The following CDKAL1 variants were observed in gnomAD, a reference collection of about 807,000 sequenced individuals.
CDKAL1 encodes the protein threonylcarbamoyladenosine tRNA methylthiotransferase.
CDKAL1 carries 32 observed loss-of-function variants against 68.2 expected under a neutral mutation model. That is an observed-to-expected ratio of 0.47 (90% confidence interval 0.35 to 0.63). The LOEUF (loss-of-function observed/expected upper bound fraction) is 0.63, where lower values mean the gene tolerates loss of function less well. Among genes scored for constraint, CDKAL1 ranks in the 30% least tolerant of loss-of-function variants. The pLI is 0.00. For missense variants in CDKAL1, 606 were observed against 696.7 expected, an observed-to-expected ratio of 0.87 and a Z score of 1.47; for synonymous variants, 234 against 244.3, an observed-to-expected ratio of 0.96 and a Z score of 0.39.
chr6:20,991,202 A>G (rs545788923), intron 10 of CDKAL1, among the ~76,000 whole-genome samples: 2 of 152,344 alleles, frequency 1.3e-5, no homozygotes, highest in African/African-American at 4.8e-5. Flanking sequence ...AACAAATATT[A>G]TATGATTTCA....
rs1470467672 is a variant in CDKAL1 at position 21,000,372 on chromosome 6, A to G, written c.1055A>G (p.Lys352Arg). Residue 352 changes from lysine to arginine, a missense_variant and splice_region_variant, in exon 11 of 16, where the codon AAA (lysine) becomes AGA (arginine). By Grantham distance (26) the Lys-to-Arg change is conservative. Coordinates refer to ENST00000274695, the MANE Select transcript of CDKAL1 (RefSeq NM_017774.3). Reference sequence around the variant, plus strand: ...AGAGTAGTGGATTTTCTGAAAGAGAAGTAAGTCTGTTAGTACTTAAGAAAA... The same window carrying G: ...AGAGTAGTGGATTTTCTGAAAGAGAGGTAAGTCTGTTAGTACTTAAGAAAA... ...FKRVVDFLKE[K>R]VPGITIATDI... The G allele has an allele frequency of 6.2e-7, 1 of 1,611,654 alleles. No homozygotes were observed. Among genetic ancestry groups the G allele is most frequent in the Admixed American group, 1.7e-5 (1 of 59,776 alleles).
rs148468201 is a variant in CDKAL1, at chr6:20,931,745, A to G, written c.743-23674A>G. 2.3e-3 allele frequency among the ~76,000 whole-genome samples: 350 copies of G among 152,300 alleles called. 1 individual carries two copies. Among genetic ancestry groups the G allele is most frequent in the African/African-American group, 8.0e-3 (333 of 41,572 alleles). On this transcript the variant is annotated intron_variant, in intron 9 of 15. Transcript: ENST00000274695. The stretch of plus-strand genomic sequence containing the variant: ...AGCAAACATTAATTGAGAACTTATT[A>G]TGTGCTGTAGTCACTGTGCTGTTTG...
At chr6:20,665,222 C>T (rs1769475057) in intron 5 of CDKAL1, among the ~76,000 whole-genome samples, 1 of 152,044 alleles carries the variant, frequency 6.6e-6, no homozygotes, top group Non-Finnish European at 1.5e-5. Flanking sequence ...AAGTGTTTTG[C>T]AACGTACCCT....
intron 5 of CDKAL1, among the ~76,000 whole-genome samples, chr6:20,657,524 T>C (rs1482729146): frequency 6.6e-6 from 1 of 152,212 alleles, no homozygotes; most frequent in Non-Finnish European, 1.5e-5. Flanking sequence ...ATGCATCACA[T>C]CATTTTGTTT....
At chr6:20,657,105 A>G (rs2127767271) in intron 5 of CDKAL1, among the ~76,000 whole-genome samples, 1 of 152,282 alleles carries the variant, frequency 6.6e-6, no homozygotes, top group African/African-American at 2.4e-5. Flanking sequence ...TGCTTTATTC[A>G]GATATTTTTC....
chr6:21,195,310 A>G (rs1275414648), intron 13 of CDKAL1, among the ~76,000 whole-genome samples: 1 of 151,812 alleles, frequency 6.6e-6, no homozygotes, highest in Non-Finnish European at 1.5e-5. Flanking sequence ...CTACAGGCAC[A>G]TGTCACCATG....
chr6:20,732,895 T>G (rs988768597), intron 5 of CDKAL1, among the ~76,000 whole-genome samples: 1 of 152,192 alleles, frequency 6.6e-6, no homozygotes, highest in African/African-American at 2.4e-5. Context: ...ACCCTTAACC[T>G]CTTCACAGAA....
chr6:21,152,582 C>G (rs1776464025), intron 13 of CDKAL1, among the ~76,000 whole-genome samples: 1 of 152,228 alleles, frequency 6.6e-6, no homozygotes, highest in Admixed American at 6.5e-5. Context: ...AGCCCCTGCT[C>G]TCAAGGAGCT....
At chr6:20,728,162 G>A (rs1331562605) in intron 5 of CDKAL1, among the ~76,000 whole-genome samples, 1 of 152,132 alleles carries the variant, frequency 6.6e-6, no homozygotes, top group Admixed American at 6.5e-5. Context: ...AAGTGTTCAT[G>A]TGTATTTCTG....
chr6:20,846,102 A>T lies in CDKAL1; in HGVS notation c.666A>T (p.Lys222Asn). 1 of 1,613,104 alleles carries T rather than the reference A, an allele frequency of 6.2e-7. No homozygotes were observed. Among genetic ancestry groups the T allele is most frequent in the Non-Finnish European group, 8.5e-7 (1 of 1,179,386 alleles). Residue 222 changes from lysine (K) to asparagine (N), a missense_variant, in exon 9 of 16, where the codon AAA (lysine) becomes AAT (asparagine). Lys to Asn is a moderately conservative substitution (Grantham distance 94). Transcript: ENST00000274695. ...TGCLNACTYC[K>N]TKHARGNLAS... is the part of the protein sequence containing the mutation. ...GTCTCAATGCTTGTACCTACTGCAAAACTAAACACGCCAGAGGAAATTTGG... is the reference window on the plus strand; with the variant it reads ...GTCTCAATGCTTGTACCTACTGCAATACTAAACACGCCAGAGGAAATTTGG...
At chr6:21,096,125 G>T (rs572169882) in intron 12 of CDKAL1, among the ~76,000 whole-genome samples, 5 of 152,290 alleles carry the variant, frequency 3.3e-5, no homozygotes, top group Admixed American at 2.6e-4. Context: ...CGAGTTGTGG[G>T]CTTATCTAGA....
intron 13 of CDKAL1, chr6:21,135,657 T>C (rs939446427): frequency 5.1e-6 from 5 of 979,198 alleles, no homozygotes; most frequent in African/African-American, 1.7e-5. Flanking sequence ...ATAGAAACTA[T>C]TGGACTGTGC....
At chr6:21,016,675 A>T (rs1179773253) in intron 11 of CDKAL1, among the ~76,000 whole-genome samples, 1 of 141,870 alleles carries the variant, frequency 7.0e-6, no homozygotes, top group African/African-American at 2.7e-5. Flanking sequence ...CATCCATCTT[A>T]CTTCAGTGTT....
intron 9 of CDKAL1, among the ~76,000 whole-genome samples, chr6:20,865,214 C>CTA (rs1033930582): frequency 1.3e-5 from 2 of 152,166 alleles, no homozygotes; most frequent in Non-Finnish European, 2.9e-5. Context: ...GCACTTTGCA[C>CTA]TATAGCATGC....
chr6:20,600,771 C>CATATATATATATATACATAT (rs1554161081), intron 4 of CDKAL1, among the ~76,000 whole-genome samples: 2 of 124,176 alleles, frequency 1.6e-5, no homozygotes, highest in African/African-American at 5.8e-5. Flanking sequence ...TATATGTATA[C>CATATATATATATATACATAT]ATATATATAT....
intron 4 of CDKAL1, among the ~76,000 whole-genome samples, chr6:20,591,114 T>C (rs1195331732): frequency 6.6e-6 from 1 of 152,238 alleles, no homozygotes; most frequent in Non-Finnish European, 1.5e-5. Flanking sequence ...CCAGTGATGA[T>C]GAGCTTTTTT....
chr6:20,900,023 T>G (rs1228818752), intron 9 of CDKAL1, among the ~76,000 whole-genome samples: 2 of 152,194 alleles, frequency 1.3e-5, no homozygotes, highest in African/African-American at 4.8e-5. Flanking sequence ...GCTCAATGAT[T>G]AGAGATGCTA....
Position 21,231,204 on chromosome 6 carries a change from A to G in CDKAL1, c.*165A>G, listed in dbSNP as rs1207951678. The G allele has an allele frequency of 8.2e-6, 4 of 485,364 alleles. 1 individual carries two copies. The highest frequency in any genetic ancestry group is 7.2e-6 in the Non-Finnish European group (2 of 278,734). The allele number at this position is 485,364 out of a possible 1,614,324, so 30.1% of individuals were successfully genotyped here. On this transcript the variant is annotated 3_prime_UTR_variant, in exon 16 of 16. Transcript: ENST00000274695. ...ATGAGGCTCCCCCTGTCTCACATTG[A>G]GTTGGGCCCATTGGTTATTTGACCT...
At chr6:20,911,581 CAG>C (rs1322804968) in intron 9 of CDKAL1, among the ~76,000 whole-genome samples, 1 of 152,196 alleles carries the variant, frequency 6.6e-6, no homozygotes, top group Non-Finnish European at 1.5e-5. Context: ...CACATTATTA[CAG>C]ACATTCTTAT....
Sources: gnomAD v4.1 joint callset for allele counts (sites outside exome capture counted in the v4.1 genomes callset) on GRCh38, gnomAD v4.1.1 for gene constraint, MANE v1.5 for transcripts, NCBI Gene and HGNC (gene_info 2026-07-23, HGNC 2026-07-21) for gene names.